Variants in SEMA6D observed in about 807,000 individuals in gnomAD.
SEMA6D encodes semaphorin 6D.
Under a neutral mutation model 106.6 loss-of-function variants are expected in SEMA6D, and 35 were observed. The observed-to-expected ratio is 0.33, with a 90% CI of 0.25 to 0.44. The LOEUF is 0.44. Ranked by LOEUF, SEMA6D falls within the 20% of genes least tolerant of loss-of-function variation. The pLI is 1.00. For missense variants in SEMA6D, 1,185 were observed against 1,345.9 expected (o/e 0.88, Z 1.87); for synonymous variants, 499 against 487.7 (o/e 1.02, Z -0.31).
intron 3 of SEMA6D, among the ~76,000 whole-genome samples, chr15:47,499,207 G>A (rs562757205): frequency 1.3e-5 from 2 of 152,200 alleles, no homozygotes; most frequent in East Asian, 3.9e-4. Flanking sequence ...ATGGTGGGAT[G>A]GAGAACAAGA....
intron 1 of SEMA6D, among the ~76,000 whole-genome samples, chr15:47,367,242 T>TC (rs956649000): frequency 6.6e-6 from 1 of 151,906 alleles, no homozygotes; most frequent in Non-Finnish European, 1.5e-5. Context: ...CTGTCCTCCT[T>TC]CCCCCCCTTC....
intron 1 of SEMA6D, among the ~76,000 whole-genome samples, chr15:47,402,318 A>G (rs571124575): frequency 3.9e-5 from 6 of 152,110 alleles, no homozygotes; most frequent in Non-Finnish European, 7.3e-5. Context: ...CTTCTCTGTT[A>G]TATAGTGTAC....
At chr15:47,460,275 A>G (rs1336835442) in intron 2 of SEMA6D, among the ~76,000 whole-genome samples, 2 of 152,106 alleles carry the variant, frequency 1.3e-5, no homozygotes, top group Non-Finnish European at 2.9e-5. Flanking sequence ...CTTATCAGAA[A>G]TTACTTTTTG....
At chr15:47,409,098 A>G (rs531592140) in intron 1 of SEMA6D, among the ~76,000 whole-genome samples, 3 of 152,352 alleles carry the variant, frequency 2.0e-5, no homozygotes, top group South Asian at 4.1e-4. Flanking sequence ...TAGAATAGCA[A>G]TTCTCCTGGA....
intron 2 of SEMA6D, among the ~76,000 whole-genome samples, chr15:47,446,332 A>T (rs2140872313): frequency 6.6e-6 from 1 of 152,256 alleles, no homozygotes; most frequent in Non-Finnish European, 1.5e-5. Flanking sequence ...GCTGGATGGG[A>T]TGCTCTGTTC....
chr15:47,325,057 A>C (rs914978960), intron 1 of SEMA6D, among the ~76,000 whole-genome samples: 4 of 152,256 alleles, frequency 2.6e-5, no homozygotes, highest in African/African-American at 9.6e-5. Flanking sequence ...ACTTCCCCCA[A>C]CTTATTCAAT....
At chr15:47,227,419 CTCTT>C (rs10652948) in intron 1 of SEMA6D, among the ~76,000 whole-genome samples, 2,741 of 115,416 alleles carry the variant, frequency 0.024, 150 homozygotes, top group African/African-American at 0.099. Context: ...TTCTTTCTTT[CTCTT>C]TCTTTCTTTC....
intron 1 of SEMA6D, among the ~76,000 whole-genome samples, chr15:47,222,858 C>A (rs1488551402): frequency 6.6e-6 from 1 of 152,100 alleles, no homozygotes; most frequent in Admixed American, 6.6e-5. Flanking sequence ...GTCCTGATAC[C>A]AGGAGCTCAA....
rs148209229 is a variant in SEMA6D, at chr15:47,293,925, T to C, written c.-239+109507T>C. On this transcript the variant is annotated intron_variant, in intron 1 of 19. Coordinates refer to the SEMA6D transcript ENST00000558014. ...TGTTGCATAATGTGAGCTTTGTCAG[T>C]CCAAAAAATTTTTTCAAGTTGCTTG... Among the ~76,000 whole-genome samples, 115 of 152,312 alleles carry C rather than the reference T, an allele frequency of 7.6e-4. 2 individuals carry two copies. The East Asian group carries it at 0.02, about 26-fold the overall frequency.
At chr15:47,552,553 C>CAG (rs1034401319) in intron 3 of SEMA6D, among the ~76,000 whole-genome samples, 5 of 143,600 alleles carry the variant, frequency 3.5e-5, no homozygotes, top group Admixed American at 2.9e-4. Flanking sequence ...CACACACACA[C>CAG]ACACATATGG....
At chr15:47,363,378 A>G (rs1215663214) in intron 1 of SEMA6D, among the ~76,000 whole-genome samples, 1 of 152,074 alleles carries the variant, frequency 6.6e-6, no homozygotes, top group Non-Finnish European at 1.5e-5. Context: ...GGGGTCTATG[A>G]ATTTGAGTTC....
intron 1 of SEMA6D, among the ~76,000 whole-genome samples, chr15:47,326,346 C>G (rs2037129107): frequency 6.6e-6 from 1 of 152,154 alleles, no homozygotes; most frequent in Non-Finnish European, 1.5e-5. Context: ...TACCCTCAAC[C>G]AGAAAGAAAA....
At chr15:47,343,248 T>TTTATTATTATTATTA (rs10637657) in intron 1 of SEMA6D, among the ~76,000 whole-genome samples, 10,525 of 146,066 alleles carry the variant, frequency 0.072, 1,006 homozygotes, top group African/African-American at 0.21. Context: ...TAGTTGGATT[T>TTTATTATTATTATTA]TTATTATTAT....
intron 1 of SEMA6D, among the ~76,000 whole-genome samples, chr15:47,717,900 A>G (rs890997851): frequency 7.4e-6 from 1 of 135,526 alleles, no homozygotes; most frequent in Non-Finnish European, 1.6e-5. Context: ...CAGTTGATTT[A>G]TTTTCCAAGC....
chr15:47,190,468 TTG>T (rs1893885800), intron 1 of SEMA6D, among the ~76,000 whole-genome samples: 1 of 152,174 alleles, frequency 6.6e-6, no homozygotes, highest in Admixed American at 6.5e-5. Context: ...CCATTACAAT[TTG>T]TGTATGAAGA....
chr15:47,491,802 T>G (rs1289791870), intron 3 of SEMA6D, among the ~76,000 whole-genome samples: 1 of 152,198 alleles, frequency 6.6e-6, no homozygotes, highest in Admixed American at 6.5e-5. Context: ...TCATTCTATG[T>G]AATTCATCTT....
intron 1 of SEMA6D, among the ~76,000 whole-genome samples, chr15:47,311,573 A>G (rs1416131187): frequency 1.3e-5 from 2 of 152,300 alleles, no homozygotes; most frequent in East Asian, 3.9e-4. Context: ...CCTGAAGTAA[A>G]GGGTGTATTT....
intron 1 of SEMA6D, among the ~76,000 whole-genome samples, chr15:47,289,062 A>T (rs1309586639): frequency 6.6e-6 from 1 of 152,142 alleles, no homozygotes; most frequent in African/African-American, 2.4e-5. Context: ...TGAGACTCAA[A>T]TGTCAGAGAG....
At chr15:47,499,301 G>A (rs941150194) in intron 3 of SEMA6D, among the ~76,000 whole-genome samples, 4 of 151,918 alleles carry the variant, frequency 2.6e-5, no homozygotes, top group Non-Finnish European at 4.4e-5. Flanking sequence ...TGGCTTCTAC[G>A]CCCTTCCCAG....
Sources: gnomAD v4.1 joint callset for allele counts (sites outside exome capture counted in the v4.1 genomes callset) on GRCh38, gnomAD v4.1.1 for gene constraint, MANE v1.5 for transcripts, NCBI Gene and HGNC (gene_info 2026-07-23, HGNC 2026-07-21) for gene names.